Variants in DLGAP1 observed in about 807,000 individuals in gnomAD.
The protein encoded by DLGAP1 is DLG associated protein 1, also known as disks large-associated protein 1.
DLGAP1 carries 11 observed loss-of-function variants against 90.8 expected under a neutral mutation model. The observed-to-expected ratio is 0.12, with a 90% confidence interval of 0.08 to 0.20. DLGAP1 has a LOEUF of 0.20. DLGAP1 is among the 10% of genes least tolerant of loss of function. The probability of loss-of-function intolerance (pLI) is 1.00; values close to 1 mark genes in which losing one functional copy is unlikely to be tolerated. For synonymous variants in DLGAP1, 558 were observed against 540.7 expected (o/e 1.03, Z -0.44); for missense variants, 1,050 against 1,333.8 (o/e 0.79, Z 3.31).
chr18:3,550,902 T>C (rs1352213461), intron 9 of DLGAP1, among the ~76,000 whole-genome samples: 1 of 151,446 alleles, frequency 6.6e-6, no homozygotes, highest in South Asian at 2.1e-4. Context: ...CCACCACGCC[T>C]GGCTAATTTT....
chr18:3,567,388 G>C, intron 9 of DLGAP1, 102 bp downstream of exon 9: 1 of 1,004,900 alleles, frequency 1.0e-6, no homozygotes, highest in Non-Finnish European at 1.5e-6. Context: ...CCAAAACTTA[G>C]AGGAAAATAT....
intron 7 of DLGAP1, among the ~76,000 whole-genome samples, chr18:3,703,636 A>C (rs896979794): frequency 6.6e-6 from 1 of 152,106 alleles, no homozygotes; most frequent in Non-Finnish European, 1.5e-5. Context: ...CATTCTCTGC[A>C]TTCTTCTTCT....
At chr18:3,991,009 G>T (rs191557358) in intron 3 of DLGAP1, among the ~76,000 whole-genome samples, 111 of 151,860 alleles carry the variant, frequency 7.3e-4, no homozygotes, top group African/African-American at 2.6e-3. Context: ...TTTATTTTAG[G>T]TTCAAGGGGT....
At chr18:4,143,933 ACTCTATCTGGTGTC>A (rs2076537230) in intron 2 of DLGAP1, among the ~76,000 whole-genome samples, 1 of 151,768 alleles carries the variant, frequency 6.6e-6, no homozygotes, top group African/African-American at 2.4e-5. Context: ...GATCCTCAGG[ACTCTATCTGGTGTC>A]CTAGCCTACT....
intron 1 of DLGAP1, among the ~76,000 whole-genome samples, chr18:4,182,436 G>A (rs1343252901): frequency 1.3e-5 from 2 of 152,064 alleles, no homozygotes; most frequent in African/African-American, 4.8e-5. Context: ...GCCTTTCTCT[G>A]CCAGTTATTT....
chr18:3,732,476 G>A (rs939215260), intron 6 of DLGAP1, among the ~76,000 whole-genome samples: 8 of 152,256 alleles, frequency 5.3e-5, no homozygotes, highest in African/African-American at 1.9e-4. Flanking sequence ...TAGAATGGTA[G>A]GATAAATGCT....
intron 2 of DLGAP1, among the ~76,000 whole-genome samples, chr18:4,069,219 T>C (rs181976776): frequency 2.0e-5 from 3 of 152,304 alleles, no homozygotes; most frequent in Admixed American, 2.0e-4. Flanking sequence ...TGATATAAAG[T>C]ATTCAAAGCA....
intron 2 of DLGAP1, among the ~76,000 whole-genome samples, chr18:4,127,210 C>T (rs1388139819): frequency 6.6e-6 from 1 of 152,162 alleles, no homozygotes; most frequent in Non-Finnish European, 1.5e-5. Flanking sequence ...CAAAAGCCAG[C>T]ATGCACCTTC....
At chr18:3,650,996 T>C (rs762034103) in intron 7 of DLGAP1, among the ~76,000 whole-genome samples, 3 of 144,872 alleles carry the variant, frequency 2.1e-5, no homozygotes, top group Non-Finnish European at 3.0e-5. Flanking sequence ...AACCAGGGAG[T>C]TGGATGTTGC....
intron 1 of DLGAP1, among the ~76,000 whole-genome samples, chr18:4,199,270 C>T (rs982649769): frequency 6.6e-6 from 1 of 152,218 alleles, no homozygotes; most frequent in Non-Finnish European, 1.5e-5. Context: ...TTCTTGCTTG[C>T]CTTCAGACAT....
intron 1 of DLGAP1, among the ~76,000 whole-genome samples, chr18:4,395,990 C>T (rs932164682): frequency 5.3e-5 from 8 of 152,236 alleles, no homozygotes; most frequent in African/African-American, 1.9e-4. Context: ...AAGAAATATG[C>T]ACCCTGTAGA....
At chr18:3,828,075 G>A (rs1452192940) in intron 4 of DLGAP1, among the ~76,000 whole-genome samples, 1 of 152,182 alleles carries the variant, frequency 6.6e-6, no homozygotes, top group Non-Finnish European at 1.5e-5. Flanking sequence ...CTTCTGTACT[G>A]ATTGTAGTCG....
intron 1 of DLGAP1, among the ~76,000 whole-genome samples, chr18:4,195,473 T>A (rs1216976123): frequency 6.6e-6 from 1 of 152,226 alleles, no homozygotes; most frequent in Non-Finnish European, 1.5e-5. Context: ...GAAATTTGCA[T>A]GCTACTCAAA....
At chr18:4,131,518 G>A (rs1159498195) in intron 2 of DLGAP1, among the ~76,000 whole-genome samples, 1 of 152,134 alleles carries the variant, frequency 6.6e-6, no homozygotes, top group African/African-American at 2.4e-5. Context: ...CAATACATAA[G>A]AGAACAGGTG....
chr18:4,030,470 G>T (rs1239805954), intron 2 of DLGAP1, among the ~76,000 whole-genome samples: 1 of 152,210 alleles, frequency 6.6e-6, no homozygotes, highest in South Asian at 2.1e-4. Flanking sequence ...GGCCAACCCA[G>T]AGATTCATTC....
In DLGAP1 at chr18:4,394,064, C is replaced by T. The variant is rs76364343; in HGVS notation, c.-267+60942G>A. On this transcript the variant is annotated intron_variant, in intron 1 of 12. Transcript: ENST00000315677. ...GATCCCTGCTCTAGAACAACTAATA[C>T]GTAGAAGGTATGTAATAAATATTTA... Among the ~76,000 whole-genome samples the T allele has an allele frequency of 2.3e-3, 344 of 152,144 alleles. 2 individuals are homozygous for T. Among genetic ancestry groups the T allele is most frequent in the African/African-American group, 7.5e-3 (311 of 41,494 alleles).
chr18:4,185,137 AGG>A (rs1378766019), intron 1 of DLGAP1, among the ~76,000 whole-genome samples: 20 of 152,098 alleles, frequency 1.3e-4, no homozygotes, highest in Non-Finnish European at 2.2e-4. Flanking sequence ...AATTTGCAAA[AGG>A]TGTGAGTGAA....
At chr18:4,366,246 A>C (rs2144153341) in intron 1 of DLGAP1, among the ~76,000 whole-genome samples, 1 of 152,260 alleles carries the variant, frequency 6.6e-6, no homozygotes. Context: ...AAATGTTTTT[A>C]GGTGTAAATA....
At chr18:3,881,630 T>C (rs991595786) in intron 3 of DLGAP1, among the ~76,000 whole-genome samples, 8 of 152,160 alleles carry the variant, frequency 5.3e-5, no homozygotes, top group Admixed American at 1.3e-4. Context: ...AAAAACAAGA[T>C]GAGCCGGGCG....
Sources: allele counts gnomAD v4.1 joint callset (sites outside exome capture counted in the v4.1 genomes callset), GRCh38; gene constraint gnomAD v4.1.1; transcripts MANE v1.5; gene names NCBI Gene and HGNC (gene_info 2026-07-23, HGNC 2026-07-21).